MGAT5: variants seen among roughly 807,000 people sequenced by gnomAD.
The protein encoded by MGAT5 is alpha-1,6-mannosylglycoprotein 6-beta-N-acetylglucosaminyltransferase A.
MGAT5 carries 30 observed loss-of-function variants against 94.3 expected under a neutral mutation model. That is an observed-to-expected ratio of 0.32 (90% CI 0.24 to 0.43). MGAT5 has a LOEUF of 0.43. Among genes scored for constraint, MGAT5 ranks in the 20% least tolerant of loss-of-function variants. The pLI is 1.00. For synonymous variants in MGAT5, 310 were observed against 322.9 expected (o/e 0.96, Z 0.43); for missense variants, 691 against 905.5 (o/e 0.76, Z 3.04).
intron 2 of MGAT5, among the ~76,000 whole-genome samples, chr2:134,308,120 C>G (rs16830386): frequency 6.6e-6 from 1 of 152,082 alleles, no homozygotes; most frequent in Non-Finnish European, 1.5e-5. Context: ...ATCGAGTAAT[C>G]GGTGTACATA....
chr2:134,261,199 ATG>A (rs1683310886), intron 1 of MGAT5, among the ~76,000 whole-genome samples: 1 of 152,168 alleles, frequency 6.6e-6, no homozygotes. Context: ...TTGCACGCAC[ATG>A]TGTGAGGTTG....
chr2:134,329,601 G>A (rs1478894642), intron 4 of MGAT5, among the ~76,000 whole-genome samples: 1 of 152,088 alleles, frequency 6.6e-6, no homozygotes, highest in Non-Finnish European at 1.5e-5. Context: ...TCTGGGGCAA[G>A]ACAGGTGGCA....
chr2:134,196,107 G>A (rs1679484608), intron 1 of MGAT5, among the ~76,000 whole-genome samples: 1 of 152,194 alleles, frequency 6.6e-6, no homozygotes, highest in Non-Finnish European at 1.5e-5. Flanking sequence ...TCTGGACATG[G>A]TGCTCTTCGG....
At chr2:134,418,458 C>T (rs1050467749) in intron 12 of MGAT5, among the ~76,000 whole-genome samples, 3 of 152,184 alleles carry the variant, frequency 2.0e-5, no homozygotes, top group Admixed American at 2.0e-4. Flanking sequence ...TAGGCTCCCC[C>T]AGGAGGGCAG....
In MGAT5 at chr2:134,295,841, T is replaced by C. The variant is rs148091548; in HGVS notation, c.407-21688T>C. Among the ~76,000 whole-genome samples the C allele has an allele frequency of 6.1e-4, 93 of 152,232 alleles. No homozygotes were observed. In the East Asian group the frequency reaches 0.017, roughly 28 times the overall value. ...TACTCCCCTGTCTTAATCTAAACAG[T>C]GCTTAAGGGTGGGGAGATGGGTTCG... On this transcript the variant is annotated intron_variant, in intron 2 of 15. Transcript: ENST00000281923.
chr2:134,381,961 G>T (rs1681656067), intron 10 of MGAT5, among the ~76,000 whole-genome samples: 1 of 152,122 alleles, frequency 6.6e-6, no homozygotes, highest in African/African-American at 2.4e-5. Context: ...TTCTAATAGA[G>T]CCTGGTTATA....
intron 12 of MGAT5, among the ~76,000 whole-genome samples, chr2:134,415,240 T>TA (rs1391736913): frequency 6.6e-6 from 1 of 152,190 alleles, no homozygotes; most frequent in Admixed American, 6.5e-5. Context: ...ACCAGCAGGG[T>TA]ACCAAGCTTC....
chr2:134,237,152 C>CGT (rs1559003534), intron 1 of MGAT5, among the ~76,000 whole-genome samples: 1 of 51,340 alleles, frequency 1.9e-5, no homozygotes, highest in African/African-American at 1.0e-4. Context: ...TGTGTGTGCG[C>CGT]GTGTGTGTGA....
At chr2:134,256,185 A>G (rs1347917989) in intron 1 of MGAT5, among the ~76,000 whole-genome samples, 1 of 152,222 alleles carries the variant, frequency 6.6e-6, no homozygotes, top group Admixed American at 6.5e-5. Flanking sequence ...CTTACACTGA[A>G]AAGTAACTAG....
At chr2:134,252,691 AG>A (rs1243617880), upstream of MGAT5, among the ~76,000 whole-genome samples, 1 of 152,200 alleles carries the variant, frequency 6.6e-6, no homozygotes, top group Non-Finnish European at 1.5e-5. Flanking sequence ...CTCTGTTAAG[AG>A]GTAGATAGTA....
In MGAT5 at chr2:134,428,546, C is replaced by T. The variant is rs543798605; in HGVS notation, c.1869+107C>T. The T allele has an allele frequency of 4.3e-3, 4,404 of 1,025,692 alleles. 15 individuals are homozygous for T. The highest frequency in any genetic ancestry group is 4.8e-3 in the Non-Finnish European group (3,249 of 678,746). 63.5% of individuals were successfully genotyped at this position (1,025,692 alleles called of 1,614,324 possible). ...CTCACTGTGTTTCTGTGGCTATTTT[C>T]CTGCTTTGGGAGACTCTAGAAGCTG... On this transcript the variant is annotated intron_variant, in intron 14 of 15. Transcript: ENST00000281923.
chr2:134,406,807 G>T (rs961305817), intron 11 of MGAT5, among the ~76,000 whole-genome samples: 2 of 152,050 alleles, frequency 1.3e-5, no homozygotes, highest in Non-Finnish European at 2.9e-5. Context: ...AAATGGGAGG[G>T]TCACTTGAGT....
intron 1 of MGAT5, among the ~76,000 whole-genome samples, chr2:134,209,151 TA>T (rs55964034): frequency 0.13 from 3,312 of 26,148 alleles, 624 homozygotes; most frequent in East Asian, 0.18. Flanking sequence ...ATTTTTTTTT[TA>T]TTTTTTTTTT....
intron 14 of MGAT5, among the ~76,000 whole-genome samples, chr2:134,430,991 G>A (rs778768692): frequency 2.6e-5 from 4 of 152,198 alleles, no homozygotes; most frequent in Non-Finnish European, 5.9e-5. Context: ...GGGGAGAAAT[G>A]GTAGAGTGTA....
chr2:134,313,839 G>C (rs1342650827), intron 2 of MGAT5, among the ~76,000 whole-genome samples: 1 of 152,148 alleles, frequency 6.6e-6, no homozygotes, highest in African/African-American at 2.4e-5. Flanking sequence ...TATAAGCATA[G>C]TACCCACCTC....
intron 7 of MGAT5, among the ~76,000 whole-genome samples, chr2:134,342,781 A>G (rs886931930): frequency 4.6e-5 from 7 of 151,968 alleles, no homozygotes; most frequent in African/African-American, 1.7e-4. Context: ...TACAGTTAGC[A>G]GTCACTCATC....
intron 1 of MGAT5, among the ~76,000 whole-genome samples, chr2:134,200,637 C>T (rs533727974): frequency 1.1e-4 from 16 of 152,260 alleles, no homozygotes; most frequent in African/African-American, 3.6e-4. Context: ...ACTTAGTGTG[C>T]CCTAAACTCT....
At chr2:134,258,712 C>G (rs905662975) in intron 1 of MGAT5, among the ~76,000 whole-genome samples, 2 of 152,202 alleles carry the variant, frequency 1.3e-5, no homozygotes, top group African/African-American at 4.8e-5. Flanking sequence ...TGTAGCATTT[C>G]TCTGCCCTCT....
At chr2:134,428,808 A>G (rs966653105) in intron 14 of MGAT5, among the ~76,000 whole-genome samples, 1 of 152,230 alleles carries the variant, frequency 6.6e-6, no homozygotes, top group African/African-American at 2.4e-5. Flanking sequence ...TTAATAATAC[A>G]TGTTCAGCAA....
Sources: allele counts gnomAD v4.1 joint callset (sites outside exome capture counted in the v4.1 genomes callset), GRCh38; gene constraint gnomAD v4.1.1; transcripts MANE v1.5; gene names NCBI Gene and HGNC (gene_info 2026-07-23, HGNC 2026-07-21).